Variants in DENND1A observed in about 807,000 individuals in gnomAD.
DENND1A encodes the protein DENN domain containing 1A, also known as DENN domain-containing protein 1A.
A neutral mutation model predicts 113.7 loss-of-function variants in DENND1A; 51 were observed. The observed-to-expected ratio is 0.45, with a 90% CI of 0.36 to 0.57. The LOEUF (loss-of-function observed/expected upper bound fraction) is 0.57, where lower values mean the gene tolerates loss of function less well. Ranked by LOEUF, DENND1A falls within the 20% of genes least tolerant of loss-of-function variation. DENND1A has a pLI of 0.00. For missense variants in DENND1A, 1,258 were observed against 1,395.9 expected (o/e 0.90, Z 1.57); for synonymous variants, 565 against 570.8 (o/e 0.99, Z 0.14).
intron 5 of DENND1A, among the ~76,000 whole-genome samples, chr9:123,740,695 T>C (rs2068934985): frequency 6.6e-6 from 1 of 152,180 alleles, no homozygotes; most frequent in Non-Finnish European, 1.5e-5. Context: ...CCTCATTATC[T>C]TTCTTTTACA....
At chr9:123,753,199 A>C (rs1332277441) in intron 5 of DENND1A, among the ~76,000 whole-genome samples, 5 of 152,240 alleles carry the variant, frequency 3.3e-5, no homozygotes, top group Admixed American at 1.3e-4. Context: ...AAGAGTTCCC[A>C]GACTAGCTGG....
At chr9:123,410,514 C>T (rs1332462953) in intron 20 of DENND1A, among the ~76,000 whole-genome samples, 4 of 152,130 alleles carry the variant, frequency 2.6e-5, no homozygotes, top group African/African-American at 7.2e-5. Context: ...GGACTCGCGA[C>T]GGTCACAGGG....
At chr9:123,828,639 C>CAA (rs59346883) in intron 2 of DENND1A, among the ~76,000 whole-genome samples, 11,475 of 115,864 alleles carry the variant, frequency 0.099, 977 homozygotes, top group African/African-American at 0.25. Context: ...TAAAAGTAGC[C>CAA]AAAAAAAAAA....
intron 13 of DENND1A, among the ~76,000 whole-genome samples, chr9:123,549,974 G>C (rs1057330613): frequency 2.0e-5 from 3 of 152,262 alleles, no homozygotes; most frequent in Middle Eastern, 3.4e-3. Flanking sequence ...AACAACTTGA[G>C]ATCAACAGGG....
intron 19 of DENND1A, among the ~76,000 whole-genome samples, chr9:123,418,411 G>A (rs2044930655): frequency 1.3e-5 from 2 of 152,236 alleles, no homozygotes; most frequent in South Asian, 4.1e-4. Flanking sequence ...GCATTTATGA[G>A]GACAGCATCT....
At chr9:123,882,742 C>T (rs773650748) in intron 1 of DENND1A, among the ~76,000 whole-genome samples, 3 of 152,192 alleles carry the variant, frequency 2.0e-5, no homozygotes, top group Non-Finnish European at 4.4e-5. Context: ...AAGCTCCCCA[C>T]ACCACTCAAA....
intron 21 of DENND1A, among the ~76,000 whole-genome samples, chr9:123,388,811 C>T (rs758983426): frequency 1.1e-4 from 17 of 152,316 alleles, no homozygotes; most frequent in South Asian, 2.1e-4. Flanking sequence ...GTTCAAATCC[C>T]GGCCCTTGTG....
chr9:123,901,621 A>T (rs1851634452), intron 1 of DENND1A, among the ~76,000 whole-genome samples: 1 of 152,166 alleles, frequency 6.6e-6, no homozygotes, highest in Non-Finnish European at 1.5e-5. Flanking sequence ...TCTTTCTCTC[A>T]ATCACCCAGG....
At chr9:123,771,541 T>G (rs1157448548) in intron 3 of DENND1A, among the ~76,000 whole-genome samples, 1 of 152,184 alleles carries the variant, frequency 6.6e-6, no homozygotes, top group East Asian at 1.9e-4. Context: ...AAGTTATAGG[T>G]GCAGAAAGCA....
At chr9:123,390,846 C>CG (rs2042804956) in intron 21 of DENND1A, among the ~76,000 whole-genome samples, 1 of 152,272 alleles carries the variant, frequency 6.6e-6, no homozygotes, top group African/African-American at 2.4e-5. Context: ...GTCGCCCTCA[C>CG]GTCCACCTTG....
chr9:123,414,374 AT>A, intron 19 of DENND1A: 1 of 1,426,752 alleles, frequency 7.0e-7, no homozygotes, highest in South Asian at 1.6e-5. Context: ...CATCGCCTAC[AT>A]TTGTTTCCAG....
At chr9:123,658,650 G>T (rs1315110387) in intron 8 of DENND1A, among the ~76,000 whole-genome samples, 1 of 152,184 alleles carries the variant, frequency 6.6e-6, no homozygotes, top group East Asian at 1.9e-4. Flanking sequence ...TGGCCCAAAA[G>T]CCAACTGAAA....
intron 13 of DENND1A, among the ~76,000 whole-genome samples, chr9:123,483,860 G>A (rs937179276): frequency 6.6e-6 from 1 of 152,216 alleles, no homozygotes; most frequent in Admixed American, 6.5e-5. Flanking sequence ...GGCCAGATGT[G>A]TAAGAGAGAC....
At chr9:123,924,591 C>A (rs2134201723) in intron 1 of DENND1A, among the ~76,000 whole-genome samples, 1 of 149,220 alleles carries the variant, frequency 6.7e-6, no homozygotes, top group Middle Eastern at 3.4e-3. Context: ...GCGGAGGTAG[C>A]AGTGAGCCAA....
At chr9:123,566,245 C>T (rs1038252229) in intron 12 of DENND1A, among the ~76,000 whole-genome samples, 3 of 152,214 alleles carry the variant, frequency 2.0e-5, no homozygotes, top group African/African-American at 7.2e-5. Context: ...ATTGTTTCCT[C>T]TCATTCCTTG....
chr9:123,904,093 C>A, intron 1 of DENND1A, among the ~76,000 whole-genome samples: 1 of 152,102 alleles, frequency 6.6e-6, no homozygotes, highest in Non-Finnish European at 1.5e-5. Context: ...AACTGGGAGG[C>A]ACCCCCCAGC....
intron 4 of DENND1A, 77 bp from the exon 5 acceptor site, chr9:123,757,899 G>A (rs1363951126): frequency 5.6e-5 from 84 of 1,503,140 alleles, no homozygotes; most frequent in East Asian, 1.5e-4. Context: ...ACAATGAGTC[G>A]TTGAACTTAT....
At chr9:123,393,540 A>T (rs2042961744) in intron 21 of DENND1A, among the ~76,000 whole-genome samples, 1 of 147,022 alleles carries the variant, frequency 6.8e-6, no homozygotes, top group South Asian at 2.2e-4. Flanking sequence ...TAAAAAAATA[A>T]AAAAAAAAAA....
At chr9:123,714,335 C>T (rs955441626) in intron 5 of DENND1A, among the ~76,000 whole-genome samples, 31 of 152,204 alleles carry the variant, frequency 2.0e-4, no homozygotes, top group African/African-American at 7.0e-4. Flanking sequence ...GGTGCAATGG[C>T]TCACACCTGT....
Sources: gnomAD v4.1 joint callset for allele counts (sites outside exome capture counted in the v4.1 genomes callset) on GRCh38, gnomAD v4.1.1 for gene constraint, MANE v1.5 for transcripts, NCBI Gene and HGNC (gene_info 2026-07-23, HGNC 2026-07-21) for gene names.